Variants in CEP131 observed in about 807,000 individuals in gnomAD.
CEP131 encodes centrosomal protein of 131 kDa.
Under a neutral mutation model 136.8 loss-of-function variants are expected in CEP131, and 99 were observed. The ratio of observed to expected loss-of-function variants is 0.72; its 90% CI spans 0.62 to 0.86. CEP131 has a LOEUF of 0.86. Among genes scored for constraint, CEP131 ranks in the 40% least tolerant of loss-of-function variants. The pLI is 0.00. For synonymous variants in CEP131, 646 were observed against 612.7 expected, an observed-to-expected ratio of 1.05 and a Z score of -0.80; for missense variants, 1,459 against 1,463.0, an observed-to-expected ratio of 1.00 and a Z score of 0.04.
At chr17:81,193,403 T>A (rs2061685742) in intron 18 of CEP131, among the ~76,000 whole-genome samples, 1 of 152,086 alleles carries the variant, frequency 6.6e-6, no homozygotes, top group African/African-American at 2.4e-5. Context: ...GCTGTCCTGG[T>A]GGCGCAGACA....
At chr17:81,214,269 C>T (rs963034356) in intron 2 of CEP131, among the ~76,000 whole-genome samples, 3 of 152,162 alleles carry the variant, frequency 2.0e-5, no homozygotes, top group African/African-American at 7.2e-5. Flanking sequence ...TTTTAAAAAT[C>T]GTACAGTCAC....
At chr17:81,193,393 G>T (rs1359323886) in intron 18 of CEP131, among the ~76,000 whole-genome samples, 2 of 152,190 alleles carry the variant, frequency 1.3e-5, no homozygotes, top group Non-Finnish European at 2.9e-5. Context: ...TGGCTTCCAG[G>T]CTGTCCTGGT....
Position 81,193,996 on chromosome 17 carries a change from C to G in CEP131, c.2251G>C (p.Glu751Gln), listed in dbSNP as rs750745989. ...TCCCGCTCCAGCTGCTCCCGCAGCT[C>G]CTCGGCCTGGCGCAGGCAGCGCTGC... is the stretch of plus-strand genomic sequence containing the variant. ...ASQRCLRQAE[E>Q]LREQLEREKE... The change falls in exon 18 of 26, where the codon GAG (glutamate) becomes CAG (glutamine). Residue 751 changes from glutamate (E) to glutamine (Q), a missense_variant. Physicochemically the swap from Glu to Gln is conservative, Grantham distance 29. Transcript: ENST00000450824. 6.4e-7 allele frequency: 1 copy of G among 1,555,462 alleles called. No homozygotes were observed. The highest frequency in any genetic ancestry group is 8.7e-7 in the Non-Finnish European group (1 of 1,151,180).
intron 2 of CEP131, among the ~76,000 whole-genome samples, chr17:81,212,326 A>AAG (rs2062150890): frequency 6.8e-6 from 1 of 147,074 alleles, no homozygotes; most frequent in Admixed American, 6.7e-5. Context: ...CCTCTCAAAA[A>AAG]AAAAAAAAAA....
intron 5 of CEP131, among the ~76,000 whole-genome samples, chr17:81,205,278 C>CA (rs1335323415): frequency 1.3e-5 from 2 of 149,196 alleles, no homozygotes; most frequent in East Asian, 4.0e-4. Context: ...AACAAACAAA[C>CA]AAAAAAACAC....
chr17:81,197,717 G>C lies in CEP131; in HGVS notation c.1642C>G (p.Gln548Glu), dbSNP rs1214888839. 5.6e-6 allele frequency: 9 copies of C among 1,610,030 alleles called. No individual in the cohort carries two copies. The highest frequency in any genetic ancestry group is 7.6e-6 in the Non-Finnish European group (9 of 1,178,444). ...GCGGGCTGGTGAGGGGCCACCTCCT[G>C]CTGGGAGTCCAGCTGGTCCTGCCCA... Reference protein sequence around the residue: ...KSGQDQLDSQQEGWVPEAGPG... With the variant: ...KSGQDQLDSQEEGWVPEAGPG... The change falls in exon 13 of 26, where the codon CAG becomes GAG. Residue 548 changes from glutamine (Q) to glutamate (E), a missense_variant. Transcript: ENST00000450824.
rs1283488058 is a variant in CEP131 at position 81,203,416 on chromosome 17, C to T, written c.629+78G>A. On this transcript the variant is annotated intron_variant, in intron 6 of 25. Coordinates refer to ENST00000450824, the MANE Select transcript of CEP131 (RefSeq NM_014984.4). This position sits in a 1 kb window ranked among gnomAD's most constrained non-coding sequence, Gnocchi z 4.6. Reference sequence around the variant, plus strand: ...ACTGACCGCGTGCCCTGACCGAGGTCGGACCCCAGGTGCACTGACTACATG... The same window carrying T: ...ACTGACCGCGTGCCCTGACCGAGGTTGGACCCCAGGTGCACTGACTACATG... 1.2e-5 allele frequency: 14 copies of T among 1,209,238 alleles called. No homozygotes were observed. The highest frequency in any genetic ancestry group is 4.5e-5 in the African/African-American group (3 of 66,616). The allele number at this position is 1,209,238 out of a possible 1,614,324, so 74.9% of individuals were successfully genotyped here.
In CEP131 at chr17:81,193,939, G is replaced by GTTC. The variant is rs1567850179; in HGVS notation, c.2305_2307dup (p.Glu769dup). 1 of 1,536,764 alleles carries GTTC rather than the reference G, an allele frequency of 6.5e-7. No homozygotes were observed. The highest frequency in any genetic ancestry group is 1.4e-5 in the African/African-American group (1 of 72,676). ...GCCACCACCCACCGCTGCCGAGCAC[G>GTTC]TTCGCGCTCCTGCTGGCCCAGCGCC... On this transcript the variant is annotated inframe_insertion, in exon 18 of 26. Transcript: ENST00000450824.
chr17:81,202,937 C>CATTCA (rs2061926078), intron 6 of CEP131, among the ~76,000 whole-genome samples: 1 of 151,482 alleles, frequency 6.6e-6, no homozygotes, highest in African/African-American at 2.4e-5. Flanking sequence ...GCACTCCAGC[C>CATTCA]TGGGCAACAA....
At chr17:81,199,093 G>C (rs540001545) in intron 10 of CEP131, 122 bp from the exon 11 acceptor site, 57 of 1,007,416 alleles carry the variant, frequency 5.7e-5, no homozygotes, top group Middle Eastern at 6.5e-4. Flanking sequence ...AAGCAGAGGA[G>C]CCGCTGGGGA....
rs1331594104 is a variant in CEP131, at chr17:81,219,982, G to A, written c.75C>T (p.Leu25=). The A allele has an allele frequency of 6.2e-7, 1 of 1,612,526 alleles. No homozygotes were observed. Among genetic ancestry groups the A allele is most frequent in the African/African-American group, 1.3e-5 (1 of 74,880 alleles). Residue 25 remains leucine, a synonymous_variant, in exon 2 of 26, where the codon CTC becomes CTT. Coordinates refer to ENST00000450824, the MANE Select transcript of CEP131 (RefSeq NM_014984.4). The surrounding 1 kb of genome is among the most constrained non-coding windows in gnomAD (Gnocchi z 4.0). The part of the protein sequence containing the change: ...PAGVDLSLTG[L]PPPVSRRPGS... The stretch of plus-strand genomic sequence containing the variant: ...CAGGACGCCGGGACACAGGCGGAGG[G>A]AGACCTGTCAGACTCAGGTCCACAC...
intron 21 of CEP131, among the ~76,000 whole-genome samples, 180 bp from the exon 22 acceptor site, chr17:81,191,515 C>A (rs1350877779): frequency 6.6e-6 from 1 of 152,166 alleles, no homozygotes; most frequent in Admixed American, 6.5e-5. Context: ...CCAGTGTGGG[C>A]ATAGGCGTAC....
In CEP131 at chr17:81,203,590, A is replaced by G. The variant is rs1598296217; in HGVS notation, c.533T>C (p.Val178Ala). The G allele has an allele frequency of 5.6e-6, 9 of 1,599,724 alleles. No individual in the cohort carries two copies. Among genetic ancestry groups the G allele is most frequent in the Non-Finnish European group, 7.7e-6 (9 of 1,173,932 alleles). ...TANNRSNKGA[V>A]GNCVTTMVHN... is the part of the protein sequence containing the mutation. Reference sequence around the variant, plus strand: ...CACCATGGTGGTGACGCAGTTGCCCACTGCTCCCTTGTTGCTCCTGCCAGG... The same window carrying G: ...CACCATGGTGGTGACGCAGTTGCCCGCTGCTCCCTTGTTGCTCCTGCCAGG... Residue 178 changes from valine (V) to alanine (A), a missense_variant, in exon 6 of 26, where the codon GTG becomes GCG. Around this residue, in one of 3 missense-constraint regions of CEP131, gnomAD observed 246 missense variants for 318.9 expected, o/e 0.77. Coordinates refer to ENST00000450824, the MANE Select transcript of CEP131 (RefSeq NM_014984.4). This position sits in a 1 kb window ranked among gnomAD's most constrained non-coding sequence, Gnocchi z 4.6.
rs992692503 is a variant in CEP131 at position 81,215,020 on chromosome 17, G to A, written c.177+4860C>T. 1.3e-5 allele frequency among the ~76,000 whole-genome samples: 2 copies of A among 151,644 alleles called. No homozygotes were observed. The highest frequency in any genetic ancestry group is 4.8e-5 in the African/African-American group (2 of 41,246). On this transcript the variant is annotated intron_variant, in intron 2 of 25. Transcript: ENST00000450824. The surrounding 1 kb of genome is among the most constrained non-coding windows in gnomAD (Gnocchi z 4.1). The stretch of plus-strand genomic sequence containing the variant: ...TCTCAATCTCCTGGCCTCGTGATCT[G>A]CTTGCCTCAACCTCCCAAAGTGCTG...
At chr17:81,193,684 G>A (rs77018614) in intron 18 of CEP131, among the ~76,000 whole-genome samples, 1,943 of 152,304 alleles carry the variant, frequency 0.013, 68 homozygotes, top group African/African-American at 0.045. Flanking sequence ...GAAAACACCC[G>A]TGCACCCATG....
intron 6 of CEP131, among the ~76,000 whole-genome samples, chr17:81,202,777 C>T (rs973257291): frequency 2.6e-5 from 4 of 152,174 alleles, no homozygotes; most frequent in African/African-American, 9.7e-5. Context: ...GCCTTGCCAA[C>T]ATGGTGAAAC....
At chr17:81,221,874 A>C (rs1393584964) in intron 1 of CEP131, among the ~76,000 whole-genome samples, 1 of 152,110 alleles carries the variant, frequency 6.6e-6, no homozygotes, top group East Asian at 1.9e-4. Context: ...GCAGGCACCC[A>C]GCCTATCGCC....
At chr17:81,197,604 G>T in intron 13 of CEP131, 108 bp downstream of exon 13, 4 of 1,442,702 alleles carry the variant, frequency 2.8e-6, no homozygotes, top group South Asian at 2.9e-5. Flanking sequence ...TCCTCCCCCT[G>T]GGGGCCAGGT....
chr17:81,208,988 T>C lies in CEP131; in HGVS notation c.212A>G (p.Asn71Ser), dbSNP rs1033358901. 8.1e-6 allele frequency: 13 copies of C among 1,613,862 alleles called. No individual in the cohort carries two copies. Among genetic ancestry groups the C allele is most frequent in the African/African-American group, 4.0e-5 (3 of 74,908 alleles). Reference protein sequence around the residue: ...ATGPGGSQAINNLRRSNSTTQ... With the variant: ...ATGPGGSQAISNLRRSNSTTQ... ...GGTGCTGTTGGATCTTCTAAGGTTG[T>C]TGATGGCCTGGGAGCCCCCAGGCCC... Residue 71 changes from asparagine (N) to serine (S), a missense_variant, in exon 3 of 26, where the codon AAC becomes AGC. Around this residue, in one of 3 missense-constraint regions of CEP131, gnomAD observed 187 missense variants for 179.9 expected, o/e 1.04. Transcript: ENST00000450824. This position sits in a 1 kb window ranked among gnomAD's most constrained non-coding sequence, Gnocchi z 5.6.
Sources: gnomAD v4.1 joint callset for allele counts (sites outside exome capture counted in the v4.1 genomes callset) on GRCh38, gnomAD v4.1.1 for gene constraint, gnomAD v4.1.1 regional missense constraint, Gnocchi (gnomAD v3.1) non-coding constraint, MANE v1.5 for transcripts, NCBI Gene and HGNC (gene_info 2026-07-23, HGNC 2026-07-21) for gene names.